DNAJB7: variants seen among roughly 807,000 people sequenced by gnomAD.
The protein encoded by DNAJB7 is dnaJ homolog subfamily B member 7.
Under a neutral mutation model 1.2 loss-of-function variants are expected in DNAJB7, and 1 was observed. The observed-to-expected ratio is 0.84, with a 90% CI of 0.30 to 4.01. DNAJB7 has a LOEUF of 4.01. Ranked by LOEUF, DNAJB7 falls within the 30% of genes most tolerant of loss-of-function variation. The probability of loss-of-function intolerance (pLI) is 0.18; values close to 1 mark genes in which losing one functional copy is unlikely to be tolerated. For missense variants in DNAJB7, 420 were observed against 358.5 expected, an observed-to-expected ratio of 1.17 and a Z score of -1.39; for synonymous variants, 128 against 127.7, an observed-to-expected ratio of 1.00 and a Z score of -0.01.
In DNAJB7 at chr22:40,862,039, C is replaced by T. The variant is rs779251662; in HGVS notation, c.-45G>A. ...AGTGGGTGTGCTGGGTATTGAGAAC[C>T]GTGGTTTCCTCAGCTCAGGCTCTGC... On this transcript the variant is annotated 5_prime_UTR_variant, in exon 1 of 1. Transcript: ENST00000307221. The T allele has an allele frequency of 9.4e-5, 145 of 1,538,090 alleles. No individual in the cohort carries two copies. The East Asian group carries it at 3.1e-3, about 33-fold the overall frequency.
rs1371509447 is a variant in DNAJB7 at position 40,860,077 on chromosome 22, T to C, written c.*988A>G. On this transcript the variant is annotated 3_prime_UTR_variant, in exon 1 of 1. Coordinates refer to ENST00000307221, the MANE Select transcript of DNAJB7 (RefSeq NM_145174.2). ...ACCATGTTACCCGTTTTTTAATTTT[T>C]TAAATTTTCTATAGTTTTTCTTTAG... is the stretch of plus-strand genomic sequence containing the variant. The C allele has an allele frequency of 6.6e-6, 1 of 152,164 alleles. No individual in the cohort carries two copies. Among genetic ancestry groups the C allele is most frequent in the African/African-American group, 2.4e-5 (1 of 41,450 alleles). The allele number at this position is 152,164 out of a possible 1,614,324, so 9.4% of individuals were successfully genotyped here. A position where few individuals can be genotyped will look rare whatever the true frequency, so the allele number is the denominator to read the frequency against.
Position 40,860,702 on chromosome 22 carries a change from G to A in DNAJB7, c.*363C>T. ...GGGTCTTACTTTGTCACCCAAGCTG[G>A]AGTGCAGTGGCGTGATCCCATTACA... On this transcript the variant is annotated 3_prime_UTR_variant, in exon 1 of 1. Coordinates refer to ENST00000307221, the MANE Select transcript of DNAJB7 (RefSeq NM_145174.2). The A allele has an allele frequency of 9.3e-7, 1 of 1,075,034 alleles. No homozygotes were observed. The highest frequency in any genetic ancestry group is 1.3e-6 in the Non-Finnish European group (1 of 752,782). The allele number at this position is 1,075,034 out of a possible 1,614,324, so 66.6% of individuals were successfully genotyped here.
Position 40,861,035 on chromosome 22 carries a change from G to A in DNAJB7, c.*30C>T, listed in dbSNP as rs752588327. On this transcript the variant is annotated 3_prime_UTR_variant, in exon 1 of 1. Transcript: ENST00000307221. ...GATTAACCAAAACACACACAATTGT[G>A]TTCAAATGTTATATATTTGAAGAGT... is the stretch of plus-strand genomic sequence containing the variant. 15 of 1,537,120 alleles carry A rather than the reference G, an allele frequency of 9.8e-6. 1 individual carries two copies. The Admixed American group carries it at 3.1e-4, about 31-fold the overall frequency.
In DNAJB7 at chr22:40,860,433, T is replaced by C. The variant is rs1293833131; in HGVS notation, c.*632A>G. 1.6e-5 allele frequency: 5 copies of C among 315,010 alleles called. No homozygotes were observed. The highest frequency in any genetic ancestry group is 2.9e-5 in the Non-Finnish European group (5 of 175,144). The allele number at this position is 315,010 out of a possible 1,614,324, so 19.5% of individuals were successfully genotyped here. On this transcript the variant is annotated 3_prime_UTR_variant, in exon 1 of 1. Transcript: ENST00000307221. ...CTTTAATTTTTAATTTGTAGTACCTTTAAGTTATAATGCATCAAATGCTGT... is the reference window on the plus strand; with the variant it reads ...CTTTAATTTTTAATTTGTAGTACCTCTAAGTTATAATGCATCAAATGCTGT...
At position 40,861,820 on chromosome 22, in the gene DNAJB7, C is replaced by T. The variant is rs765049190; in HGVS notation, c.175G>A (p.Asp59Asn). 1 of 1,611,838 alleles carries T rather than the reference C, an allele frequency of 6.2e-7. No homozygotes were observed. The highest frequency in any genetic ancestry group is 1.3e-5 in the African/African-American group (1 of 74,786). Residue 59 changes from aspartate (D) to asparagine (N), a missense_variant, in exon 1 of 1, where the codon GAT (aspartate) becomes AAT (asparagine). Transcript: ENST00000307221. ...TTATCATAAATGTCCCGTTTCTCAT[C>T]ATTTGATAATACCTCGTATGCCTCA... ...VAEAYEVLSN[D>N]EKRDIYDKYG...
chr22:40,861,955 C>G lies in DNAJB7; in HGVS notation c.40G>C (p.Ala14Pro), dbSNP rs552419946. ...YYEVLGLQRYASPEDIKKAYH... is the reference protein window; with the variant it reads ...YYEVLGLQRYPSPEDIKKAYH... ...GCTTTTTTAATGTCCTCAGGTGAAG[C>G]ATATCTTTGCAGTCCTAGAACTTCA... Residue 14 changes from alanine to proline, a missense_variant, in exon 1 of 1, where the codon GCT becomes CCT. Physicochemically the swap from Ala to Pro is conservative, Grantham distance 27. Coordinates refer to ENST00000307221, the MANE Select transcript of DNAJB7 (RefSeq NM_145174.2). 9.3e-6 allele frequency: 15 copies of G among 1,609,758 alleles called. No individual in the cohort carries two copies. In the African/African-American group the frequency reaches 2.0e-4, roughly 22 times the overall value.
In DNAJB7 at chr22:40,862,016, TG is replaced by T. The variant is rs776406977; in HGVS notation, c.-23del. On this transcript the variant is annotated 5_prime_UTR_variant, in exon 1 of 1. Coordinates refer to ENST00000307221, the MANE Select transcript of DNAJB7 (RefSeq NM_145174.2). ...CCATGTTTTAACAGATAGTTGGAAG[TG>T]GGTGTGCTGGGTATTGAGAACCGTG... The T allele has an allele frequency of 2.6e-5, 40 of 1,559,470 alleles. No homozygotes were observed. Among genetic ancestry groups the T allele is most frequent in the Admixed American group, 2.0e-4 (10 of 50,864 alleles).
rs1288649956 is a variant in DNAJB7, at chr22:40,860,826, T to A, written c.*239A>T. ...CCACCACACTTGGCTAATTTTTAAA[T>A]TTTTTGTAGAGAAAAGATCTCACTA... is the stretch of plus-strand genomic sequence containing the variant. On this transcript the variant is annotated 3_prime_UTR_variant, in exon 1 of 1. Transcript: ENST00000307221. 3.1e-6 allele frequency: 2 copies of A among 640,578 alleles called. No individual in the cohort carries two copies. The highest frequency in any genetic ancestry group is 5.1e-6 in the Non-Finnish European group (2 of 391,096). 39.7% of individuals were successfully genotyped at this position (640,578 alleles called of 1,614,324 possible).
At position 40,862,042 on chromosome 22, in the gene DNAJB7, G is replaced by A; in HGVS notation, c.-48C>T. 3.3e-6 allele frequency: 5 copies of A among 1,536,162 alleles called. No homozygotes were observed. Among genetic ancestry groups the A allele is most frequent in the Non-Finnish European group, 4.4e-6 (5 of 1,148,882 alleles). ...GGGTGTGCTGGGTATTGAGAACCGTGGTTTCCTCAGCTCAGGCTCTGCTGG... is the reference window on the plus strand; with the variant it reads ...GGGTGTGCTGGGTATTGAGAACCGTAGTTTCCTCAGCTCAGGCTCTGCTGG... On this transcript the variant is annotated 5_prime_UTR_variant, in exon 1 of 1. Transcript: ENST00000307221.
Position 40,861,160 on chromosome 22 carries a change from G to T in DNAJB7, c.835C>A (p.Pro279Thr). 6.2e-7 allele frequency: 1 copy of T among 1,614,022 alleles called. No individual in the cohort carries two copies. The highest frequency in any genetic ancestry group is 1.1e-5 in the South Asian group (1 of 91,070). Residue 279 changes from proline (P) to threonine (T), a missense_variant, in exon 1 of 1, where the codon CCC becomes ACC. Transcript: ENST00000307221. ...GISWVTSNRD[P>T]PIFSAGVKEG... ...TTGACTCCTGCTGAGAAAATAGGGG[G>T]ATCTCTGTTGCTGGTAACCCAAGAT...
In DNAJB7 at chr22:40,860,789, T is replaced by C; in HGVS notation, c.*276A>G. 1 of 667,470 alleles carries C rather than the reference T, an allele frequency of 1.5e-6. No homozygotes were observed. Among genetic ancestry groups the C allele is most frequent in the Non-Finnish European group, 2.5e-6 (1 of 406,680 alleles). The allele number at this position is 667,470 out of a possible 1,614,324, so 41.3% of individuals were successfully genotyped here. On this transcript the variant is annotated 3_prime_UTR_variant, in exon 1 of 1. Transcript: ENST00000307221. ...TACCAGCTTCCCGAGTAGCTGGGAC[T>C]ACAGGTGCACACCACCACACTTGGC... is the stretch of plus-strand genomic sequence containing the variant.
rs976615474 is a variant in DNAJB7 at position 40,860,738 on chromosome 22, T to G, written c.*327A>C. On this transcript the variant is annotated 3_prime_UTR_variant, in exon 1 of 1. Transcript: ENST00000307221. ...CGTGATCCCATTACACTGCAACCTA[T>G]GTCTTCCAGGCTCAAGCAGTCTTTC... 18 of 819,692 alleles carry G rather than the reference T, an allele frequency of 2.2e-5. No individual in the cohort carries two copies. The highest frequency in any genetic ancestry group is 2.2e-4 in the Middle Eastern group (1 of 4,474). The allele number at this position is 819,692 out of a possible 1,614,324, so 50.8% of individuals were successfully genotyped here. A position where few individuals can be genotyped will look rare whatever the true frequency, so the allele number is the denominator to read the frequency against.
chr22:40,861,383 A>G lies in DNAJB7; in HGVS notation c.612T>C (p.Ile204=). ...VNGRNINTKK[I]IESDQEREAE... is the part of the protein sequence containing the mutation. ...CTTCTCTTTCTTGATCACTTTCAATAATTTTCTTTGTATTAATATTTCTGC... is the reference window on the plus strand; with the variant it reads ...CTTCTCTTTCTTGATCACTTTCAATGATTTTCTTTGTATTAATATTTCTGC... Residue 204 remains isoleucine, a synonymous_variant, in exon 1 of 1, where the codon ATT becomes ATC. Transcript: ENST00000307221. 1.2e-6 allele frequency: 2 copies of G among 1,613,694 alleles called. No homozygotes were observed. The highest frequency in any genetic ancestry group is 2.2e-5 in the South Asian group (2 of 90,994).
At position 40,860,157 on chromosome 22, in the gene DNAJB7, A is replaced by C. The variant is rs181969282; in HGVS notation, c.*908T>G. ...AATGGCAAGATCATAGCTCCCTACAACCTCAAACTCCTGGGCTCAAGCAAT... is the reference window on the plus strand; with the variant it reads ...AATGGCAAGATCATAGCTCCCTACACCCTCAAACTCCTGGGCTCAAGCAAT... On this transcript the variant is annotated 3_prime_UTR_variant, in exon 1 of 1. Coordinates refer to ENST00000307221, the MANE Select transcript of DNAJB7 (RefSeq NM_145174.2). 2.3e-3 allele frequency: 352 copies of C among 152,252 alleles called. 3 individuals are homozygous for C. The highest frequency in any genetic ancestry group is 7.8e-3 in the African/African-American group (325 of 41,506). 9.4% of individuals were successfully genotyped at this position (152,252 alleles called of 1,614,324 possible). A position where few individuals can be genotyped will look rare whatever the true frequency, so the allele number is the denominator to read the frequency against.
chr22:40,861,270 T>G lies in DNAJB7; in HGVS notation c.725A>C (p.Gln242Pro), dbSNP rs761573304. Reference sequence around the variant, plus strand: ...ATTTGGTGAATAGTTGTTGAATGACTGTGTTCTCCAGCTGCATTCTTTTGC... The same window carrying G: ...ATTTGGTGAATAGTTGTTGAATGACGGTGTTCTCCAGCTGCATTCTTTTGC... ...GFAKECSWRT[Q>P]SFNNYSPNSH... Residue 242 changes from glutamine (Q) to proline (P), a missense_variant, in exon 1 of 1, where the codon CAG (glutamine) becomes CCG (proline). Gln to Pro is a moderately conservative substitution (Grantham distance 76, BLOSUM62 -1). Coordinates refer to ENST00000307221, the MANE Select transcript of DNAJB7 (RefSeq NM_145174.2). 6.2e-7 allele frequency: 1 copy of G among 1,614,214 alleles called. No homozygotes were observed. Among genetic ancestry groups the G allele is most frequent in the Non-Finnish European group, 8.5e-7 (1 of 1,180,034 alleles).
Position 40,861,043 on chromosome 22 carries a change from G to T in DNAJB7, c.*22C>A. 6.5e-7 allele frequency: 1 copy of T among 1,550,288 alleles called. No homozygotes were observed. The highest frequency in any genetic ancestry group is 1.3e-5 in the South Asian group (1 of 79,776). On this transcript the variant is annotated 3_prime_UTR_variant, in exon 1 of 1. Transcript: ENST00000307221. ...AAAACACACACAATTGTGTTCAAAT[G>T]TTATATATTTGAAGAGTCAATTTAA...
chr22:40,861,486 GAAGT>G, the DNAJB7 span: 44 of 1,614,012 alleles, frequency 2.7e-5, no homozygotes, highest in Middle Eastern at 4.9e-4. Context: ...GGAAGAGAAA[GAAGT>G]AAGGCCTTCA....
In DNAJB7 at chr22:40,860,660, T is replaced by C; in HGVS notation, c.*405A>G. ...TCATTGCAGTTTTCCAAATTCCTTTTTTTTTTTTTTAAGACAGGGTCTTAC... is the reference window on the plus strand; with the variant it reads ...TCATTGCAGTTTTCCAAATTCCTTTCTTTTTTTTTTAAGACAGGGTCTTAC... On this transcript the variant is annotated 3_prime_UTR_variant, in exon 1 of 1. Coordinates refer to ENST00000307221, the MANE Select transcript of DNAJB7 (RefSeq NM_145174.2). 1 of 1,292,866 alleles carries C rather than the reference T, an allele frequency of 7.7e-7. No individual in the cohort carries two copies. The highest frequency in any genetic ancestry group is 2.4e-5 in the Admixed American group (1 of 41,312). 80.1% of individuals were successfully genotyped at this position (1,292,866 alleles called of 1,614,324 possible).
In DNAJB7 at chr22:40,859,814, C is replaced by T. The variant is rs1347879399; in HGVS notation, c.*1251G>A. On this transcript the variant is annotated 3_prime_UTR_variant, in exon 1 of 1. Coordinates refer to ENST00000307221, the MANE Select transcript of DNAJB7 (RefSeq NM_145174.2). ...CTAGATGTAACTCAAACCATTTGCT[C>T]GATATCTGATGTATTTGTAACCCAT... The T allele has an allele frequency of 1.3e-5, 2 of 152,160 alleles. No homozygotes were observed. The highest frequency in any genetic ancestry group is 2.9e-5 in the Non-Finnish European group (2 of 68,042). The allele number at this position is 152,160 out of a possible 1,614,324, so 9.4% of individuals were successfully genotyped here.
Sources: gnomAD v4.1 joint callset for allele counts on GRCh38, gnomAD v4.1.1 for gene constraint, MANE v1.5 for transcripts, NCBI Gene and HGNC (gene_info 2026-07-23, HGNC 2026-07-21) for gene names.